RAP1GAP2: variants seen among roughly 807,000 people sequenced by gnomAD.
The protein encoded by RAP1GAP2 is RAP1 GTPase activating protein 2.
Under a neutral mutation model 95.0 loss-of-function variants are expected in RAP1GAP2, and 27 were observed. The ratio of observed to expected loss-of-function variants is 0.28; its 90% CI spans 0.21 to 0.39. The LOEUF is 0.39. RAP1GAP2 is among the 10% of genes least tolerant of loss of function. The pLI, the probability that RAP1GAP2 is intolerant of heterozygous loss-of-function variation, is 1.00. For synonymous variants in RAP1GAP2, 373 were observed against 380.9 expected, an observed-to-expected ratio of 0.98 and a Z score of 0.24; for missense variants, 771 against 970.0, an observed-to-expected ratio of 0.79 and a Z score of 2.72.
At chr17:2,998,601 G>A (rs923113726) in intron 14 of RAP1GAP2, among the ~76,000 whole-genome samples, 3 of 152,186 alleles carry the variant, frequency 2.0e-5, no homozygotes, top group Admixed American at 6.5e-5. Context: ...GATTGAGGAG[G>A]TGTGAGTGTA....
chr17:2,781,644 CTG>C (rs1235998060), intron 1 of RAP1GAP2, among the ~76,000 whole-genome samples: 4 of 146,132 alleles, frequency 2.7e-5, no homozygotes, highest in African/African-American at 7.8e-5. Flanking sequence ...GAGCACGTCT[CTG>C]TGTGTGCAGG....
At chr17:2,947,980 C>T (rs77339606) in intron 3 of RAP1GAP2, among the ~76,000 whole-genome samples, 4,073 of 152,288 alleles carry the variant, frequency 0.027, 65 homozygotes, top group East Asian at 0.056. Context: ...CCTGCTCCTC[C>T]ATCCTTGTCT....
At chr17:2,770,809 G>A (rs779376552) in intron 2 of RAP1GAP2, among the ~76,000 whole-genome samples, 14 of 152,126 alleles carry the variant, frequency 9.2e-5, no homozygotes, top group Non-Finnish European at 1.9e-4. Flanking sequence ...GGGAGGCTGA[G>A]GTGGGTGGAT....
At chr17:2,766,291 C>T (rs965138837) in intron 1 of RAP1GAP2, among the ~76,000 whole-genome samples, 5 of 152,134 alleles carry the variant, frequency 3.3e-5, no homozygotes, top group African/African-American at 4.8e-5. Flanking sequence ...ATCCTAGCCC[C>T]GCACTGTGAT....
intron 10 of RAP1GAP2, 52 bp from the exon 11 acceptor site, chr17:2,984,931 T>G: frequency 6.2e-7 from 1 of 1,601,898 alleles, no homozygotes; most frequent in Non-Finnish European, 8.5e-7. Flanking sequence ...CTTCCTCACT[T>G]GCTTCCAAAT....
At chr17:2,879,297 G>A (rs187318581) in intron 2 of RAP1GAP2, among the ~76,000 whole-genome samples, 2 of 152,154 alleles carry the variant, frequency 1.3e-5, no homozygotes, top group East Asian at 3.9e-4. Context: ...TGTAAACTTA[G>A]TAGAGCTGGG....
intron 2 of RAP1GAP2, among the ~76,000 whole-genome samples, chr17:2,861,775 G>A (rs973226284): frequency 6.6e-6 from 1 of 151,924 alleles, no homozygotes; most frequent in African/African-American, 2.4e-5. Context: ...CCCTCCTCCC[G>A]TGCTGAGTAG....
chr17:2,758,937 T>C (rs2071197880), intron 1 of RAP1GAP2, among the ~76,000 whole-genome samples: 1 of 152,036 alleles, frequency 6.6e-6, no homozygotes, highest in South Asian at 2.1e-4. Context: ...TCCTCCTCCA[T>C]CAGCTTCCCA....
In RAP1GAP2 at chr17:2,985,708, T is replaced by C. The variant is rs115632488; in HGVS notation, c.813+642T>C. Among the ~76,000 whole-genome samples the C allele has an allele frequency of 7.5e-3, 1,147 of 152,274 alleles. 16 individuals are homozygous for C. Among genetic ancestry groups the C allele is most frequent in the African/African-American group, 0.025 (1,052 of 41,562 alleles). ...CTGGCCAGAACCATGTTTCTCAAAG[T>C]GTGTTTCATGAATGCGAGTCTGATG... On this transcript the variant is annotated intron_variant, in intron 11 of 24. Coordinates refer to ENST00000254695, the MANE Select transcript of RAP1GAP2 (RefSeq NM_015085.5).
rs1178622600 is a variant in RAP1GAP2, at chr17:3,008,167, A to G, written c.1494+22A>G. The G allele has an allele frequency of 6.2e-7, 1 of 1,613,410 alleles. No homozygotes were observed. The highest frequency in any genetic ancestry group is 2.2e-5 in the East Asian group (1 of 44,850). ...TAAGGTATGAGCGTCAGAGTGACTG[A>G]TGGTTGCTGTGGGGTTGGGATTGGG... is the stretch of plus-strand genomic sequence containing the variant. On this transcript the variant is annotated intron_variant, in intron 17 of 24. Coordinates refer to ENST00000254695, the MANE Select transcript of RAP1GAP2 (RefSeq NM_015085.5). This position sits in a 1 kb window ranked among gnomAD's most constrained non-coding sequence, Gnocchi z 4.2.
At chr17:2,761,941 C>T (rs955465675) in intron 1 of RAP1GAP2, among the ~76,000 whole-genome samples, 4 of 144,200 alleles carry the variant, frequency 2.8e-5, no homozygotes, top group African/African-American at 7.6e-5. Context: ...CTGATGACGT[C>T]GGGCATCTTT....
At chr17:2,909,005 C>T (rs920700448) in intron 3 of RAP1GAP2, among the ~76,000 whole-genome samples, 3 of 152,122 alleles carry the variant, frequency 2.0e-5, no homozygotes, top group Non-Finnish European at 2.9e-5. Context: ...TGCGCCTTGT[C>T]GAGGGGTCAG....
chr17:2,818,333 A>G (rs1271039413), intron 2 of RAP1GAP2, among the ~76,000 whole-genome samples: 3 of 121,810 alleles, frequency 2.5e-5, no homozygotes, highest in East Asian at 2.3e-4. Flanking sequence ...TTATTTATTT[A>G]TTTATTTATT....
In RAP1GAP2 at chr17:3,017,845, T is replaced by C. The variant is rs572967725; in HGVS notation, c.1495-216T>C. Among the ~76,000 whole-genome samples the C allele has an allele frequency of 2.6e-3, 394 of 152,198 alleles. 1 individual carries two copies. The highest frequency in any genetic ancestry group is 9.3e-3 in the African/African-American group (387 of 41,528). On this transcript the variant is annotated intron_variant, in intron 17 of 24. Coordinates refer to ENST00000254695, the MANE Select transcript of RAP1GAP2 (RefSeq NM_015085.5). Reference sequence around the variant, plus strand: ...CGGGGCTGTGCCTTGCCTCCACCCATGCCCAGAGTGTGGGGCAGAATATGG... The same window carrying C: ...CGGGGCTGTGCCTTGCCTCCACCCACGCCCAGAGTGTGGGGCAGAATATGG...
intron 2 of RAP1GAP2, among the ~76,000 whole-genome samples, chr17:2,845,300 G>A (rs890257805): frequency 3.3e-5 from 5 of 151,960 alleles, no homozygotes; most frequent in African/African-American, 9.7e-5. Flanking sequence ...CCACCACCAC[G>A]CCCAGCTAAT....
chr17:2,958,856 G>T (rs2044211902), intron 4 of RAP1GAP2, among the ~76,000 whole-genome samples: 1 of 152,054 alleles, frequency 6.6e-6, no homozygotes, highest in Non-Finnish European at 1.5e-5. Context: ...GGGGAGGGAG[G>T]GGAGACGCTG....
chr17:3,016,738 TC>T, intron 17 of RAP1GAP2, among the ~76,000 whole-genome samples: 1 of 149,500 alleles, frequency 6.7e-6, no homozygotes, highest in Non-Finnish European at 1.5e-5. Context: ...GGCTGTCTCC[TC>T]AGAGCCCTGT....
chr17:2,920,525 C>T (rs2042726622), intron 3 of RAP1GAP2, among the ~76,000 whole-genome samples: 1 of 152,212 alleles, frequency 6.6e-6, no homozygotes, highest in Non-Finnish European at 1.5e-5. Flanking sequence ...AGAGCCCTTG[C>T]CTCTTCCTGG....
chr17:2,900,707 G>A (rs2041999911), intron 2 of RAP1GAP2, among the ~76,000 whole-genome samples: 1 of 152,168 alleles, frequency 6.6e-6, no homozygotes, highest in Non-Finnish European at 1.5e-5. Context: ...CTCCCAAAGT[G>A]CTGGGATTAC....
Sources: allele counts gnomAD v4.1 joint callset (sites outside exome capture counted in the v4.1 genomes callset), GRCh38; gene constraint gnomAD v4.1.1; non-coding constraint Gnocchi (gnomAD v3.1); transcripts MANE v1.5; gene names NCBI Gene and HGNC (gene_info 2026-07-23, HGNC 2026-07-21).